Variants in ATG10 observed in about 807,000 individuals in gnomAD.
ATG10 encodes autophagy related 10, also known as ubiquitin-like-conjugating enzyme ATG10.
ATG10 carries 30 observed loss-of-function variants against 32.1 expected under a neutral mutation model. The observed-to-expected ratio is 0.94, with a 90% confidence interval of 0.70 to 1.27. The LOEUF is 1.27. Among genes scored for constraint, ATG10 ranks in the 50% most tolerant of loss-of-function variants. The pLI is 0.00. For missense variants in ATG10, 233 were observed against 262.3 expected (o/e 0.89, Z 0.77); for synonymous variants, 87 against 91.5 (o/e 0.95, Z 0.28).
intron 3 of ATG10, among the ~76,000 whole-genome samples, chr5:82,104,934 T>G (rs1042436234): frequency 4.6e-5 from 7 of 152,154 alleles, no homozygotes; most frequent in Admixed American, 3.9e-4. Context: ...TATAGGTGTT[T>G]TGAAATAAAT....
chr5:82,199,625 C>T (rs1310183575), intron 5 of ATG10, among the ~76,000 whole-genome samples: 1 of 152,166 alleles, frequency 6.6e-6, no homozygotes, highest in East Asian at 1.9e-4. Flanking sequence ...TAAACTTGCT[C>T]CGGTTTATTC....
rs554056552 is a variant in ATG10, at chr5:82,084,225, G to A, written c.216+25623G>A. Among the ~76,000 whole-genome samples, 344 of 152,218 alleles carry A rather than the reference G, an allele frequency of 2.3e-3. 3 individuals are homozygous for A. The highest frequency in any genetic ancestry group is 0.014 in the South Asian group (66 of 4,814). On this transcript the variant is annotated intron_variant, in intron 3 of 7. Coordinates refer to ENST00000282185, the MANE Select transcript of ATG10 (RefSeq NM_031482.5). Reference sequence around the variant, plus strand: ...GCCAATCTGATCAAGTGGAAGAAAGGGTATCAGTGATTGAAGATCAAATGA... The same window carrying A: ...GCCAATCTGATCAAGTGGAAGAAAGAGTATCAGTGATTGAAGATCAAATGA...
intron 3 of ATG10, among the ~76,000 whole-genome samples, chr5:82,121,051 C>A (rs935201212): frequency 2.0e-5 from 3 of 152,112 alleles, no homozygotes; most frequent in African/African-American, 7.2e-5. Context: ...AGTAACCCTA[C>A]CATGGACCCA....
chr5:82,142,026 C>A (rs970501468), intron 3 of ATG10, among the ~76,000 whole-genome samples: 2 of 152,176 alleles, frequency 1.3e-5, no homozygotes, highest in Non-Finnish European at 2.9e-5. Context: ...CAAAATAATT[C>A]TCCTTCTACC....
At chr5:82,239,597 A>G (rs1006266306) in intron 5 of ATG10, among the ~76,000 whole-genome samples, 4 of 152,162 alleles carry the variant, frequency 2.6e-5, no homozygotes, top group Non-Finnish European at 5.9e-5. Flanking sequence ...AGAGAACAGC[A>G]TGTGCAAAGG....
At chr5:82,251,699 C>T (rs4703876) in intron 5 of ATG10, among the ~76,000 whole-genome samples, 72,582 of 151,980 alleles carry the variant, frequency 0.48, 19,888 homozygotes, top group East Asian at 0.91. Context: ...ATCCACAATA[C>T]AAATAATCAA....
chr5:82,079,465 C>G (rs1764396655), intron 3 of ATG10, among the ~76,000 whole-genome samples: 1 of 151,954 alleles, frequency 6.6e-6, no homozygotes, highest in African/African-American at 2.4e-5. Context: ...GTGCTGCACC[C>G]ATTAACTCAT....
intron 5 of ATG10, among the ~76,000 whole-genome samples, chr5:82,207,770 A>G (rs1581803952): frequency 6.6e-6 from 1 of 152,162 alleles, no homozygotes; most frequent in African/African-American, 2.4e-5. Flanking sequence ...ATGGAAATGT[A>G]TATATTGCAC....
chr5:81,995,061 C>T (rs1190214904), intron 2 of ATG10, among the ~76,000 whole-genome samples: 1 of 152,112 alleles, frequency 6.6e-6, no homozygotes, highest in African/African-American at 2.4e-5. Flanking sequence ...TGTATAATCT[C>T]GAATTTCACC....
At chr5:82,210,570 T>C (rs1745456031) in intron 5 of ATG10, among the ~76,000 whole-genome samples, 1 of 152,174 alleles carries the variant, frequency 6.6e-6, no homozygotes, top group South Asian at 2.1e-4. Flanking sequence ...TCCTGATTCT[T>C]TGACCCACAA....
intron 3 of ATG10, chr5:82,148,026 GTCTTC>G: frequency 6.6e-6 from 1 of 152,168 alleles, no homozygotes; most frequent in Non-Finnish European, 1.5e-5. Context: ...AAGGCACTCA[GTCTTC>G]TACATCATGG....
chr5:82,164,326 C>A lies in ATG10; in HGVS notation c.217-73C>A. The A allele has an allele frequency of 8.7e-6, 11 of 1,260,920 alleles. No homozygotes were observed. In the Admixed American group the frequency reaches 1.2e-4, roughly 14 times the overall value. The allele number at this position is 1,260,920 out of a possible 1,614,324, so 78.1% of individuals were successfully genotyped here. On this transcript the variant is annotated intron_variant, in intron 3 of 7. Transcript: ENST00000282185. Reference sequence around the variant, plus strand: ...CTGTTATTTTGTGAGAAGAAAATCTCCTCTTTTCCTCTCCATGTTAGTACT... The same window carrying A: ...CTGTTATTTTGTGAGAAGAAAATCTACTCTTTTCCTCTCCATGTTAGTACT...
chr5:82,079,286 T>C (rs1318004866), intron 3 of ATG10, among the ~76,000 whole-genome samples: 2 of 151,840 alleles, frequency 1.3e-5, no homozygotes, highest in African/African-American at 2.4e-5. Context: ...CTCACAATCA[T>C]GGCAGAAGGC....
At chr5:82,015,085 A>C (rs921821686) in intron 2 of ATG10, among the ~76,000 whole-genome samples, 2 of 152,170 alleles carry the variant, frequency 1.3e-5, no homozygotes, top group African/African-American at 2.4e-5. Flanking sequence ...TTCACTTATG[A>C]AGCTTAGTTT....
At chr5:82,221,113 G>A (rs1438322533) in intron 5 of ATG10, among the ~76,000 whole-genome samples, 4 of 152,086 alleles carry the variant, frequency 2.6e-5, no homozygotes, top group Non-Finnish European at 4.4e-5. Context: ...TCAGGCCTTT[G>A]CTTCTGTGCT....
intron 3 of ATG10, among the ~76,000 whole-genome samples, chr5:82,093,214 T>G (rs1297530984): frequency 6.6e-6 from 1 of 152,202 alleles, no homozygotes; most frequent in Admixed American, 6.5e-5. Context: ...TCCCCATTTC[T>G]CTTCTTTGGG....
intron 3 of ATG10, among the ~76,000 whole-genome samples, chr5:82,141,693 G>A (rs187285441): frequency 5.9e-5 from 9 of 151,816 alleles, no homozygotes; most frequent in South Asian, 4.2e-4. Context: ...AAATTTATAC[G>A]TAGGATTTAG....
chr5:82,119,183 C>T (rs1400200121), intron 3 of ATG10, among the ~76,000 whole-genome samples: 1 of 152,102 alleles, frequency 6.6e-6, no homozygotes, highest in Non-Finnish European at 1.5e-5. Flanking sequence ...TATTGCCTGA[C>T]TATGAGAAGA....
chr5:82,002,191 G>A (rs191184872), intron 2 of ATG10, among the ~76,000 whole-genome samples: 91 of 152,328 alleles, frequency 6.0e-4, no homozygotes, highest in Middle Eastern at 3.4e-3. Context: ...CTGCTGGTGG[G>A]AATGTAAATT....
Sources: gnomAD v4.1 joint callset for allele counts (sites outside exome capture counted in the v4.1 genomes callset) on GRCh38, gnomAD v4.1.1 for gene constraint, MANE v1.5 for transcripts, NCBI Gene and HGNC (gene_info 2026-07-23, HGNC 2026-07-21) for gene names.